RSPRY1: variants seen among roughly 807,000 people sequenced by gnomAD.
RSPRY1 encodes the protein ring finger and SPRY domain containing 1, also known as RING finger and SPRY domain-containing protein 1.
A neutral mutation model predicts 73.1 loss-of-function variants in RSPRY1; 23 were observed. That is an observed-to-expected ratio of 0.31 (90% CI 0.23 to 0.45). RSPRY1 has a LOEUF of 0.45. Among genes scored for constraint, RSPRY1 ranks in the 20% least tolerant of loss-of-function variants. RSPRY1 has a pLI of 1.00. For synonymous variants in RSPRY1, 226 were observed against 251.4 expected (o/e 0.90, Z 0.95); for missense variants, 448 against 698.7 (o/e 0.64, Z 4.05).
At chr16:57,205,257 A>G (rs993378111) in intron 2 of RSPRY1, 2 of 473,770 alleles carry the variant, frequency 4.2e-6, no homozygotes, top group African/African-American at 3.9e-5. Context: ...TAAAGCTATG[A>G]TCTTTATTAG....
At chr16:57,203,947 A>G (rs1161463661) in intron 1 of RSPRY1, among the ~76,000 whole-genome samples, 2 of 152,364 alleles carry the variant, frequency 1.3e-5, no homozygotes, top group African/African-American at 4.8e-5. Context: ...GTGAGCTTCC[A>G]ATGGGAAACT....
At position 57,208,864 on chromosome 16, in the gene RSPRY1, G is replaced by A. The variant is rs576630282; in HGVS notation, c.404-211G>A. On this transcript the variant is annotated intron_variant, in intron 3 of 14. Coordinates refer to ENST00000394420, the MANE Select transcript of RSPRY1 (RefSeq NM_133368.3). The stretch of plus-strand genomic sequence containing the variant: ...ATAGCTTAACCTTTTTCCAAATAAA[G>A]GTACCCACAAATCACCAGACTCCTG... Among the ~76,000 whole-genome samples, 28 of 152,204 alleles carry A rather than the reference G, an allele frequency of 1.8e-4. No homozygotes were observed. In the South Asian group the frequency reaches 5.8e-3, roughly 32 times the overall value.
At chr16:57,231,789 A>G (rs1360831668) in intron 13 of RSPRY1, among the ~76,000 whole-genome samples, 1 of 152,192 alleles carries the variant, frequency 6.6e-6, no homozygotes, top group African/African-American at 2.4e-5. Flanking sequence ...ATTGAAACAG[A>G]CTTTTTATGT....
chr16:57,212,856 G>A (rs532134920), intron 4 of RSPRY1, 116 bp from the exon 5 acceptor site: 48 of 1,019,426 alleles, frequency 4.7e-5, no homozygotes, highest in South Asian at 2.9e-4. Flanking sequence ...CTTGTGGTCC[G>A]CCCGCCTCGG....
chr16:57,210,041 C>CCCTCCCTT (rs1241365757), intron 4 of RSPRY1, among the ~76,000 whole-genome samples: 77 of 124,412 alleles, frequency 6.2e-4, no homozygotes, highest in African/African-American at 2.2e-3. Context: ...CTCCCTCCCT[C>CCCTCCCTT]CCTCCCTTCC....
intron 4 of RSPRY1, 34 bp from the exon 5 acceptor site, chr16:57,212,938 A>G: frequency 1.2e-6 from 2 of 1,608,560 alleles, no homozygotes; most frequent in East Asian, 2.2e-5. Context: ...TGTGTAGTAT[A>G]TGGGTCAAAC....
intron 1 of RSPRY1, among the ~76,000 whole-genome samples, chr16:57,203,697 C>A (rs1369393896): frequency 6.6e-6 from 1 of 152,140 alleles, no homozygotes; most frequent in Middle Eastern, 3.2e-3. Flanking sequence ...AGGAACTATT[C>A]CTTACTCATC....
rs140565458 is a variant in RSPRY1 at position 57,209,176 on chromosome 16, T to C, written c.505T>C (p.Leu169=). The change falls in exon 4 of 15, where the codon TTG becomes CTG. Residue 169 remains leucine, a synonymous_variant. Transcript: ENST00000394420. The stretch of plus-strand genomic sequence containing the variant: ...AACATTGTTACTAGATGAATGTCCA[T>C]TGCCCACTAAAGTAAGTTAATACTT... ...VITLLLDECP[L]PTKDALQKLT... 1.2e-6 allele frequency: 2 copies of C among 1,601,128 alleles called. No individual in the cohort carries two copies. The highest frequency in any genetic ancestry group is 1.7e-6 in the Non-Finnish European group (2 of 1,169,248).
At chr16:57,212,895 T>C in intron 4 of RSPRY1, 77 bp from the exon 5 acceptor site, 4 of 1,504,756 alleles carry the variant, frequency 2.7e-6, no homozygotes, top group Non-Finnish European at 3.6e-6. Flanking sequence ...ATAGCTTTTG[T>C]CTCAAAAAAA....
chr16:57,226,089 A>G (rs1247913500), intron 10 of RSPRY1, among the ~76,000 whole-genome samples: 1 of 152,218 alleles, frequency 6.6e-6, no homozygotes, highest in African/African-American at 2.4e-5. Flanking sequence ...AAAGAAAAAA[A>G]AAGAAGAAAC....
At chr16:57,199,537 G>C (rs538456174) in intron 1 of RSPRY1, among the ~76,000 whole-genome samples, 1 of 152,258 alleles carries the variant, frequency 6.6e-6, no homozygotes, top group South Asian at 2.1e-4. Flanking sequence ...AATAGATATG[G>C]AGGCAAACAT....
chr16:57,238,449 T>G (rs1264359076), intron 14 of RSPRY1, among the ~76,000 whole-genome samples: 1 of 152,160 alleles, frequency 6.6e-6, no homozygotes, highest in African/African-American at 2.4e-5. Context: ...GGCAGAATAA[T>G]GGAATACAAT....
At chr16:57,220,690 C>T in intron 8 of RSPRY1, 42 bp from the exon 9 acceptor site, 1 of 1,354,148 alleles carries the variant, frequency 7.4e-7, no homozygotes, top group Non-Finnish European at 1.1e-6. Flanking sequence ...CTTTTCTCCA[C>T]AGCAGCCTGC....
At chr16:57,205,578 A>G (rs537583427) in intron 2 of RSPRY1, among the ~76,000 whole-genome samples, 12 of 152,204 alleles carry the variant, frequency 7.9e-5, no homozygotes, top group African/African-American at 2.4e-5. Flanking sequence ...TGCTTTGTCT[A>G]CCTCTAAATA....
At chr16:57,207,985 C>T in intron 2 of RSPRY1, 73 bp from the exon 3 acceptor site, 1 of 910,148 alleles carries the variant, frequency 1.1e-6, no homozygotes, top group Non-Finnish European at 1.8e-6. Flanking sequence ...CTCCACACCT[C>T]CAGTTTGAAT....
chr16:57,187,012 G>A (rs1255028125), intron 1 of RSPRY1: 1 of 152,254 alleles, frequency 6.6e-6, no homozygotes, highest in African/African-American at 2.4e-5. Flanking sequence ...GCTAGAACTA[G>A]CGGAATGTCC....
Position 57,228,090 on chromosome 16 carries a change from A to G in RSPRY1, c.1273+637A>G, listed in dbSNP as rs531064988. Among the ~76,000 whole-genome samples the G allele has an allele frequency of 8.5e-4, 129 of 152,252 alleles. 1 individual carries two copies. Among genetic ancestry groups the G allele is most frequent in the Non-Finnish European group, 1.5e-3 (105 of 68,010 alleles). ...GGAGTTCAAGACCAGCCTGGCCAAC[A>G]TGGTGAAACCTCATCTCTACTAAAA... is the stretch of plus-strand genomic sequence containing the variant. On this transcript the variant is annotated intron_variant, in intron 11 of 14. Coordinates refer to ENST00000394420, the MANE Select transcript of RSPRY1 (RefSeq NM_133368.3).
intron 1 of RSPRY1, among the ~76,000 whole-genome samples, chr16:57,190,761 T>G (rs2074338899): frequency 6.6e-6 from 1 of 152,250 alleles, no homozygotes; most frequent in Non-Finnish European, 1.5e-5. Flanking sequence ...TGAAATCCTT[T>G]TCTTGCCAAC....
chr16:57,220,706 A>G, intron 8 of RSPRY1, 26 bp from the exon 9 acceptor site: 2 of 1,495,194 alleles, frequency 1.3e-6, no homozygotes, highest in Non-Finnish European at 1.9e-6. Flanking sequence ...CCTGCCTTAG[A>G]AACATGAACA....
Sources: gnomAD v4.1 joint callset for allele counts (sites outside exome capture counted in the v4.1 genomes callset) on GRCh38, gnomAD v4.1.1 for gene constraint, MANE v1.5 for transcripts, NCBI Gene and HGNC (gene_info 2026-07-23, HGNC 2026-07-21) for gene names.